The following RYR2 variants were observed in gnomAD, a reference collection of about 807,000 sequenced individuals.
RYR2 encodes cardiac muscle ryanodine receptor-calcium release channel.
In RYR2, 227 loss-of-function variants were observed where a neutral mutation model predicts 601.1. That is an observed-to-expected ratio of 0.38 (90% CI 0.34 to 0.42). The LOEUF is 0.42. Ranked by LOEUF, RYR2 falls within the 10% of genes least tolerant of loss-of-function variation. The probability of loss-of-function intolerance (pLI) is 1.00; values close to 1 mark genes in which losing one functional copy is unlikely to be tolerated. For synonymous variants in RYR2, 2,223 were observed against 2,175.1 expected (o/e 1.02, Z -0.61); for missense variants, 4,646 against 6,156.5 (o/e 0.75, Z 8.21).
intron 63 of RYR2, among the ~76,000 whole-genome samples, chr1:237,698,117 T>A (rs1280024206): frequency 6.7e-6 from 1 of 149,600 alleles, no homozygotes; most frequent in Non-Finnish European, 1.5e-5. Flanking sequence ...TGTGTGTGTG[T>A]GTGTGTGTGT....
At chr1:237,753,544 A>G (rs896275190) in intron 80 of RYR2, among the ~76,000 whole-genome samples, 2 of 152,208 alleles carry the variant, frequency 1.3e-5, no homozygotes, top group Admixed American at 1.3e-4. Flanking sequence ...AAAACCTCCT[A>G]ACAAGCTTAT....
intron 17 of RYR2, among the ~76,000 whole-genome samples, chr1:237,480,984 G>C (rs1011405508): frequency 2.0e-5 from 3 of 151,626 alleles, no homozygotes; most frequent in African/African-American, 7.3e-5. Flanking sequence ...AAGATTTAAT[G>C]GGCTTATTTT....
chr1:237,699,386 CAG>C (rs1687767620), intron 64 of RYR2, among the ~76,000 whole-genome samples: 1 of 152,046 alleles, frequency 6.6e-6, no homozygotes, highest in South Asian at 2.1e-4. Context: ...TTTTAGGAAA[CAG>C]AGTTTTATTC....
At chr1:237,679,689 A>G (rs1207852720) in intron 61 of RYR2, among the ~76,000 whole-genome samples, 1 of 152,212 alleles carries the variant, frequency 6.6e-6, no homozygotes, top group Non-Finnish European at 1.5e-5. Flanking sequence ...AGTCCCACGC[A>G]TACAATGTAA....
intron 79 of RYR2, among the ~76,000 whole-genome samples, chr1:237,739,098 A>T (rs1691391775): frequency 6.6e-6 from 1 of 152,228 alleles, no homozygotes; most frequent in Non-Finnish European, 1.5e-5. Context: ...TTTCTGAAAC[A>T]AAAGAGCTGA....
chr1:237,695,349 C>T (rs1406659248), intron 63 of RYR2, among the ~76,000 whole-genome samples: 3 of 152,118 alleles, frequency 2.0e-5, no homozygotes, highest in African/African-American at 7.2e-5. Flanking sequence ...TATAAATACA[C>T]AATCTTAAGG....
At chr1:237,480,378 C>CAAAAAAAAAAAA (rs61271895) in intron 17 of RYR2, among the ~76,000 whole-genome samples, 16 of 57,652 alleles carry the variant, frequency 2.8e-4, no homozygotes, top group Non-Finnish European at 4.0e-4. Flanking sequence ...AAGATCATCT[C>CAAAAAAAAAAAA]AAAAAAAAAA....
At chr1:237,454,761 C>A (rs762700311) in intron 15 of RYR2, among the ~76,000 whole-genome samples, 187 bp downstream of exon 15, 5 of 152,162 alleles carry the variant, frequency 3.3e-5, no homozygotes, top group Non-Finnish European at 5.9e-5. Context: ...TTTATACTAT[C>A]CATGAGTATT....
intron 1 of RYR2, among the ~76,000 whole-genome samples, chr1:237,222,626 T>G (rs1683944352): frequency 6.6e-6 from 1 of 152,194 alleles, no homozygotes; most frequent in Non-Finnish European, 1.5e-5. Flanking sequence ...CTTGAGGTTT[T>G]CAGTCTTTAT....
At chr1:237,290,587 T>C (rs1038107695) in intron 2 of RYR2, among the ~76,000 whole-genome samples, 4 of 152,170 alleles carry the variant, frequency 2.6e-5, no homozygotes, top group African/African-American at 9.6e-5. Context: ...AAAGATGTAT[T>C]TGGCTAAATT....
At chr1:237,787,583 C>G (rs1228448377) in intron 91 of RYR2, among the ~76,000 whole-genome samples, 6 of 129,388 alleles carry the variant, frequency 4.6e-5, no homozygotes, top group Non-Finnish European at 9.3e-5. Context: ...CAGAGCGAGA[C>G]TCTGTCTCAA....
intron 1 of RYR2, among the ~76,000 whole-genome samples, chr1:237,222,798 G>T (rs1373541026): frequency 6.6e-6 from 1 of 152,138 alleles, no homozygotes; most frequent in South Asian, 2.1e-4. Flanking sequence ...GGGCGCGGTG[G>T]CTTATGCCTG....
chr1:237,600,475 A>G lies in RYR2; in HGVS notation c.4597-1550A>G, dbSNP rs188301093. ...TCAAAGTGGATTAAAGACTTAATGT[A>G]GGACCTTAAACTATGAAAGTACTGG... On this transcript the variant is annotated intron_variant, in intron 34 of 104. Coordinates refer to ENST00000366574, the MANE Select transcript of RYR2 (RefSeq NM_001035.3). Among the ~76,000 whole-genome samples, 238 of 152,324 alleles carry G rather than the reference A, an allele frequency of 1.6e-3. 1 individual carries two copies. The highest frequency in any genetic ancestry group is 5.1e-3 in the African/African-American group (212 of 41,580).
Position 237,727,076 on chromosome 1 carries a change from T to C in RYR2, c.10726-11T>C. The C allele has an allele frequency of 7.5e-7, 1 of 1,328,016 alleles. No individual in the cohort carries two copies. The highest frequency in any genetic ancestry group is 1.2e-5 in the South Asian group (1 of 85,208). 82.3% of individuals were successfully genotyped at this position (1,328,016 alleles called of 1,614,324 possible). A position where few individuals can be genotyped will look rare whatever the true frequency, so the allele number is the denominator to read the frequency against. ...GGGGTGTAAATATTTATTTGTGTCA[T>C]TCTACCTCAGGTGGAACATCCTCAG... On this transcript the variant is annotated splice_polypyrimidine_tract_variant and intron_variant, in intron 75 of 104. Coordinates refer to ENST00000366574, the MANE Select transcript of RYR2 (RefSeq NM_001035.3).
chr1:237,242,222 G>C (rs1427290747), intron 1 of RYR2, among the ~76,000 whole-genome samples: 1 of 149,736 alleles, frequency 6.7e-6, no homozygotes, highest in African/African-American at 2.5e-5. Context: ...TTGTTTGTTT[G>C]TTTGCCAGGT....
intron 2 of RYR2, among the ~76,000 whole-genome samples, chr1:237,307,973 C>G (rs10802602): frequency 0.22 from 17,787 of 81,382 alleles, 1,973 homozygotes; most frequent in African/African-American, 0.42. Context: ...TCCATCTTGA[C>G]TGAGGGCTAG....
chr1:237,493,152 G>A, intron 19 of RYR2, 65 bp downstream of exon 19: 1 of 1,568,060 alleles, frequency 6.4e-7, no homozygotes, highest in Non-Finnish European at 8.8e-7. Flanking sequence ...TTCTTGCCCT[G>A]TAGCTGATAC....
At position 237,610,895 on chromosome 1, in the gene RYR2, T is replaced by C; in HGVS notation, c.4817T>C (p.Val1606Ala). ...WSRMPNQFLKVDVSRISERQG... is the reference protein window; with the variant it reads ...WSRMPNQFLKADVSRISERQG... Reference sequence around the variant, plus strand: ...AGAATGCCCAACCAGTTTTTGAAGGTAGATGTGTCTCGAATAAGTGAACGC... The same window carrying C: ...AGAATGCCCAACCAGTTTTTGAAGGCAGATGTGTCTCGAATAAGTGAACGC... The change falls in exon 36 of 105, where the codon GTA becomes GCA. Residue 1606 changes from valine to alanine, a missense_variant. Val to Ala is a moderately conservative substitution (Grantham distance 64). This residue lies in a region of RYR2 where 1,807 missense variants were observed against 2,088.1 expected (regional missense o/e 0.87). Transcript: ENST00000366574. The surrounding 1 kb of genome is among the most constrained non-coding windows in gnomAD (Gnocchi z 4.9). 6.2e-7 allele frequency: 1 copy of C among 1,613,520 alleles called. No homozygotes were observed. Among genetic ancestry groups the C allele is most frequent in the Non-Finnish European group, 8.5e-7 (1 of 1,179,736 alleles).
At chr1:237,605,927 C>G (rs532038108) in intron 35 of RYR2, among the ~76,000 whole-genome samples, 2,324 of 151,406 alleles carry the variant, frequency 0.015, 57 homozygotes, top group African/African-American at 0.053. Context: ...AGGACACAAA[C>G]AAATGGAAGA....
Sources: allele counts gnomAD v4.1 joint callset (sites outside exome capture counted in the v4.1 genomes callset), GRCh38; gene constraint gnomAD v4.1.1; regional missense constraint gnomAD v4.1.1; non-coding constraint Gnocchi (gnomAD v3.1); transcripts MANE v1.5; gene names NCBI Gene and HGNC (gene_info 2026-07-23, HGNC 2026-07-21).